The following LIN7A variants were observed in gnomAD, a reference collection of about 807,000 sequenced individuals.
The protein encoded by LIN7A is lin-7 cell polarity scaffold A, also known as protein lin-7 homolog A.
Under a neutral mutation model 29.8 loss-of-function variants are expected in LIN7A, and 25 were observed. The observed-to-expected ratio is 0.84, with a 90% CI of 0.61 to 1.17. The LOEUF is 1.17. Ranked by LOEUF, LIN7A falls within the 50% of genes most tolerant of loss-of-function variation. The probability of loss-of-function intolerance (pLI) is 0.00; values close to 1 mark genes in which losing one functional copy is unlikely to be tolerated. For missense variants in LIN7A, 239 were observed against 287.0 expected (o/e 0.83, Z 1.21); for synonymous variants, 118 against 107.5 (o/e 1.10, Z -0.60).
intron 4 of LIN7A, among the ~76,000 whole-genome samples, chr12:80,841,302 AAAAAGAAAAGAAAAG>A (rs779487739): frequency 1.6e-4 from 24 of 151,682 alleles, no homozygotes; most frequent in Non-Finnish European, 2.8e-4. Context: ...GAAAGAAAGA[AAAAAGAAAAGAAAAG>A]AAAAGAAATG....
At chr12:80,818,901 A>G (rs891055667) in intron 4 of LIN7A, among the ~76,000 whole-genome samples, 1 of 152,186 alleles carries the variant, frequency 6.6e-6, no homozygotes. Flanking sequence ...AAATCTTATG[A>G]TTTTGCCTTG....
At position 80,807,076 on chromosome 12, in the gene LIN7A, T is replaced by TTTTTTTTTTGTTTTG. The variant is rs1330192147; in HGVS notation, c.*4388_*4389insCAAAACAAAAAAAAA. Among the ~76,000 whole-genome samples, 15 of 126,042 alleles carry TTTTTTTTTTGTTTTG rather than the reference T, an allele frequency of 1.2e-4. 1 individual carries two copies. The highest frequency in any genetic ancestry group is 2.3e-4 in the African/African-American group (7 of 30,144). 82.7% of individuals were successfully genotyped at this position (126,042 alleles called of 152,430 possible). Reference sequence around the variant, plus strand: ...AATGAAGATGGAGTTTTTTTTTTTTTTTTTTTTTTTTTTTTGACGGAGTCT... The same window carrying TTTTTTTTTTGTTTTG: ...AATGAAGATGGAGTTTTTTTTTTTTTTTTTTTTTTGTTTTGTTTTTTTTTTTTTTTGACGGAGTCT... On this transcript the variant is annotated intron_variant, in intron 5 of 5. Coordinates refer to ENST00000552864, the MANE Select transcript of LIN7A (RefSeq NM_004664.4).
intron 3 of LIN7A, among the ~76,000 whole-genome samples, chr12:80,847,303 C>G (rs922597436): frequency 6.6e-5 from 10 of 152,120 alleles, no homozygotes; most frequent in South Asian, 2.1e-4. Flanking sequence ...TGTGTGTGTT[C>G]CACTTCAGTA....
chr12:80,830,664 G>A (rs1283842012), intron 4 of LIN7A, among the ~76,000 whole-genome samples: 1 of 152,032 alleles, frequency 6.6e-6, no homozygotes, highest in African/African-American at 2.4e-5. Context: ...ACTAAAAATT[G>A]AAAATGAAAG....
chr12:80,838,691 T>A (rs755596054), intron 4 of LIN7A, among the ~76,000 whole-genome samples: 38 of 152,224 alleles, frequency 2.5e-4, no homozygotes, highest in Admixed American at 1.6e-3. Flanking sequence ...AGGTAAAGCA[T>A]CTGCTAACGA....
chr12:80,891,088 T>C (rs1172283740), intron 1 of LIN7A, among the ~76,000 whole-genome samples: 1 of 152,164 alleles, frequency 6.6e-6, no homozygotes, highest in Non-Finnish European at 1.5e-5. Flanking sequence ...TGCATACAGA[T>C]AGTCGGCAAG....
chr12:80,928,548 GTTT>G (rs975378291), intron 1 of LIN7A, among the ~76,000 whole-genome samples: 1 of 151,994 alleles, frequency 6.6e-6, no homozygotes, highest in Non-Finnish European at 1.5e-5. Flanking sequence ...GGGGTTGTTT[GTTT>G]TTTTCTTGTA....
chr12:80,825,340 T>C (rs1872012096), intron 4 of LIN7A, among the ~76,000 whole-genome samples: 1 of 152,226 alleles, frequency 6.6e-6, no homozygotes, highest in Admixed American at 6.5e-5. Flanking sequence ...ATTATCTCCT[T>C]CTGCCACTGC....
chr12:80,876,676 A>T (rs1016852762), intron 2 of LIN7A, among the ~76,000 whole-genome samples: 1 of 152,234 alleles, frequency 6.6e-6, no homozygotes, highest in African/African-American at 2.4e-5. Context: ...AACTGCAATA[A>T]GACCCCATTG....
intron 1 of LIN7A, among the ~76,000 whole-genome samples, chr12:80,914,103 G>A (rs1451207518): frequency 6.6e-6 from 1 of 152,024 alleles, no homozygotes; most frequent in Non-Finnish European, 1.5e-5. Flanking sequence ...AATAAAGCAT[G>A]CCATCAAGAT....
Position 80,793,996 on chromosome 12 carries a change from G to A in LIN7A, c.*3731C>T, listed in dbSNP as rs1206462057. 1.3e-5 allele frequency: 2 copies of A among 152,070 alleles called. No homozygotes were observed. The highest frequency in any genetic ancestry group is 2.9e-5 in the Non-Finnish European group (2 of 68,008). 9.4% of individuals were successfully genotyped at this position (152,070 alleles called of 1,614,324 possible). Reference sequence around the variant, plus strand: ...ATTGTTCCTTATCCACTGTTCAAATGTCCTCAAATCTTTGAAGCCTTTAAA... The same window carrying A: ...ATTGTTCCTTATCCACTGTTCAAATATCCTCAAATCTTTGAAGCCTTTAAA... On this transcript the variant is annotated 3_prime_UTR_variant, in exon 6 of 6. Transcript: ENST00000552864.
At chr12:80,907,391 C>A (rs1016165235) in intron 1 of LIN7A, among the ~76,000 whole-genome samples, 4 of 152,162 alleles carry the variant, frequency 2.6e-5, no homozygotes, top group African/African-American at 9.6e-5. Flanking sequence ...TGATTCAAAT[C>A]TTCCTTTCAT....
intron 1 of LIN7A, among the ~76,000 whole-genome samples, chr12:80,928,214 T>C (rs1420828213): frequency 6.6e-6 from 1 of 152,216 alleles, no homozygotes; most frequent in Non-Finnish European, 1.5e-5. Context: ...ATCCTTTGGA[T>C]ATATACTCAG....
chr12:80,902,631 T>C (rs1025765017), intron 1 of LIN7A, among the ~76,000 whole-genome samples: 38 of 152,162 alleles, frequency 2.5e-4, no homozygotes, highest in African/African-American at 6.5e-4. Flanking sequence ...CTATGGTAAG[T>C]GGGATTGTGT....
At chr12:80,813,258 A>G (rs186774265) in intron 4 of LIN7A, among the ~76,000 whole-genome samples, 49 of 152,194 alleles carry the variant, frequency 3.2e-4, no homozygotes, top group African/African-American at 1.1e-3. Flanking sequence ...TGATCCGCCC[A>G]CCTCGGCCTC....
At chr12:80,890,484 C>T (rs777381327) in intron 1 of LIN7A, among the ~76,000 whole-genome samples, 2 of 152,052 alleles carry the variant, frequency 1.3e-5, no homozygotes, top group Non-Finnish European at 2.9e-5. Context: ...TTTCAAAGCT[C>T]GCAATCTAAT....
At chr12:80,899,467 G>A (rs1459025060) in intron 1 of LIN7A, among the ~76,000 whole-genome samples, 1 of 152,086 alleles carries the variant, frequency 6.6e-6, no homozygotes, top group Non-Finnish European at 1.5e-5. Context: ...GTTTCTGCCA[G>A]GTTTTGGTAT....
In LIN7A at chr12:80,919,885, G is replaced by A. The variant is rs751511696; in HGVS notation, c.82+17756C>T. 5.3e-5 allele frequency among the ~76,000 whole-genome samples: 8 copies of A among 151,866 alleles called. 1 individual carries two copies. Among genetic ancestry groups the A allele is most frequent in the Admixed American group, 3.9e-4 (6 of 15,244 alleles). ...ACCAGGACAACAGAGAAACACCTTCGTCTCCACCACCAAGCTCATTCACTA... is the reference window on the plus strand; with the variant it reads ...ACCAGGACAACAGAGAAACACCTTCATCTCCACCACCAAGCTCATTCACTA... On this transcript the variant is annotated intron_variant, in intron 1 of 5. Coordinates refer to ENST00000552864, the MANE Select transcript of LIN7A (RefSeq NM_004664.4).
At chr12:80,853,632 T>G (rs917720464) in intron 2 of LIN7A, among the ~76,000 whole-genome samples, 1 of 69,404 alleles carries the variant, frequency 1.4e-5, no homozygotes, top group African/African-American at 9.9e-5. Context: ...TATTAGAATG[T>G]GTAGGTTAAA....
Sources: allele counts gnomAD v4.1 joint callset (sites outside exome capture counted in the v4.1 genomes callset), GRCh38; gene constraint gnomAD v4.1.1; transcripts MANE v1.5; gene names NCBI Gene and HGNC (gene_info 2026-07-23, HGNC 2026-07-21).